Variants in EFCAB6 observed in about 807,000 individuals in gnomAD.
The protein encoded by EFCAB6 is EF-hand calcium-binding domain-containing protein 6.
A neutral mutation model predicts 169.8 loss-of-function variants in EFCAB6; 156 were observed. The ratio of observed to expected loss-of-function variants is 0.92; its 90% CI spans 0.81 to 1.05. The LOEUF is 1.05. Among genes scored for constraint, EFCAB6 ranks in the 50% least tolerant of loss-of-function variants. The pLI, the probability that EFCAB6 is intolerant of heterozygous loss-of-function variation, is 0.00. For synonymous variants in EFCAB6, 698 were observed against 676.4 expected, an observed-to-expected ratio of 1.03 and a Z score of -0.50; for missense variants, 1,800 against 1,829.1, an observed-to-expected ratio of 0.98 and a Z score of 0.29.
intron 26 of EFCAB6, 129 bp from the exon 27 acceptor site, chr22:43,555,225 C>T (rs2048634583): frequency 3.1e-6 from 3 of 955,350 alleles, no homozygotes; most frequent in East Asian, 2.6e-5. Context: ...AAGACAGCTA[C>T]AGCCTGGAGG....
chr22:43,580,734 G>A (rs1055138570), intron 24 of EFCAB6, 75 bp from the exon 25 acceptor site: 3 of 1,488,210 alleles, frequency 2.0e-6, no homozygotes, highest in East Asian at 4.5e-5. Context: ...AACAGTTGCT[G>A]AGCACATTGG....
Position 43,669,056 on chromosome 22 carries a change from A to C in EFCAB6, c.1641-11T>G, listed in dbSNP as rs2057378343. 6.3e-7 allele frequency: 1 copy of C among 1,592,592 alleles called. No individual in the cohort carries two copies. The highest frequency in any genetic ancestry group is 8.5e-7 in the Non-Finnish European group (1 of 1,170,754). ...ATCTTACTGCAGAGTCTGAATTTTAAAAAATAATTAAAACACACTCAGTAG... is the reference window on the plus strand; with the variant it reads ...ATCTTACTGCAGAGTCTGAATTTTACAAAATAATTAAAACACACTCAGTAG... On this transcript the variant is annotated splice_polypyrimidine_tract_variant and intron_variant, in intron 15 of 31. Coordinates refer to ENST00000262726, the MANE Select transcript of EFCAB6 (RefSeq NM_022785.4).
chr22:43,770,652 G>A (rs2061441128), intron 4 of EFCAB6, among the ~76,000 whole-genome samples: 2 of 152,170 alleles, frequency 1.3e-5, no homozygotes, highest in South Asian at 4.1e-4. Flanking sequence ...ATAAGAGTCG[G>A]TGAACTTAAA....
chr22:43,701,480 A>C (rs2058763422), intron 10 of EFCAB6, among the ~76,000 whole-genome samples: 1 of 152,206 alleles, frequency 6.6e-6, no homozygotes, highest in Non-Finnish European at 1.5e-5. Context: ...ACCATTGTAG[A>C]CAGGGCATTG....
In EFCAB6 at chr22:43,687,464, T is replaced by TTA; in HGVS notation, c.1142+6_1142+7insTA. ...TAAAATTTGTTTTTTTTTTTTTTTT[T>TTA]ACATACCTATTTCTTTTTGTCAGGG... is the stretch of plus-strand genomic sequence containing the variant. On this transcript the variant is annotated splice_region_variant and intron_variant, in intron 11 of 31. Coordinates refer to ENST00000262726, the MANE Select transcript of EFCAB6 (RefSeq NM_022785.4). 5 of 1,422,234 alleles carry TTA rather than the reference T, an allele frequency of 3.5e-6. No individual in the cohort carries two copies. Among genetic ancestry groups the TTA allele is most frequent in the Non-Finnish European group, 4.8e-6 (5 of 1,046,342 alleles). The allele number at this position is 1,422,234 out of a possible 1,614,324, so 88.1% of individuals were successfully genotyped here.
At chr22:43,728,075 C>T (rs549343668) in intron 8 of EFCAB6, among the ~76,000 whole-genome samples, 1 of 152,210 alleles carries the variant, frequency 6.6e-6, no homozygotes, top group East Asian at 1.9e-4. Context: ...GCCCCCACCC[C>T]ATGACAGGCC....
chr22:43,682,492 C>T (rs1398788967), intron 12 of EFCAB6, among the ~76,000 whole-genome samples: 1 of 152,174 alleles, frequency 6.6e-6, no homozygotes, highest in Non-Finnish European at 1.5e-5. Context: ...CTTCAGCATA[C>T]TATTAGAACC....
intron 2 of EFCAB6, among the ~76,000 whole-genome samples, chr22:43,799,329 CCACACACACACACA>C (rs112231545): frequency 6.8e-6 from 1 of 146,548 alleles, no homozygotes; most frequent in Admixed American, 6.8e-5. Context: ...GAATCTGTCT[CCACACACACACACA>C]CACACACACA....
chr22:43,738,994 G>A (rs772626918), intron 6 of EFCAB6, among the ~76,000 whole-genome samples: 4 of 152,068 alleles, frequency 2.6e-5, no homozygotes, highest in East Asian at 1.9e-4. Flanking sequence ...GCTCCTGCCC[G>A]TCCTACTCCC....
intron 7 of EFCAB6, among the ~76,000 whole-genome samples, chr22:43,733,685 CAGCCCTGAGA>C (rs931951949): frequency 3.9e-5 from 6 of 152,108 alleles, no homozygotes; most frequent in Non-Finnish European, 4.4e-5. Flanking sequence ...GTCTTCATCC[CAGCCCTGAGA>C]GGTGGGCTGC....
intron 16 of EFCAB6, among the ~76,000 whole-genome samples, chr22:43,667,527 A>T (rs570612908): frequency 1.3e-5 from 2 of 152,290 alleles, no homozygotes; most frequent in East Asian, 3.9e-4. Flanking sequence ...GGGACAGGGG[A>T]ACTTGCAGGG....
intron 22 of EFCAB6, among the ~76,000 whole-genome samples, chr22:43,605,028 A>C (rs1348559766): frequency 6.6e-6 from 1 of 152,148 alleles, no homozygotes; most frequent in East Asian, 1.9e-4. Flanking sequence ...TACCTGGTTA[A>C]ATGAGGCTAC....
intron 3 of EFCAB6, among the ~76,000 whole-genome samples, chr22:43,778,219 CAGAT>C (rs1412715772): frequency 6.6e-6 from 1 of 152,204 alleles, no homozygotes; most frequent in East Asian, 1.9e-4. Flanking sequence ...ATGAGGCTGA[CAGAT>C]GGATGAGATT....
At chr22:43,626,767 C>T in intron 19 of EFCAB6, 88 bp from the exon 20 acceptor site, 1 of 1,271,490 alleles carries the variant, frequency 7.9e-7, no homozygotes, top group South Asian at 1.3e-5. Context: ...GCCTCATCTC[C>T]ACGCGAGGAG....
chr22:43,681,119 G>C (rs779856076), intron 12 of EFCAB6, among the ~76,000 whole-genome samples: 83 of 152,266 alleles, frequency 5.5e-4, no homozygotes, highest in Non-Finnish European at 1.0e-3. Flanking sequence ...CCCTTTATCA[G>C]GTGAAGGTAT....
chr22:43,542,872 C>A (rs975082606), intron 27 of EFCAB6, among the ~76,000 whole-genome samples: 1 of 152,124 alleles, frequency 6.6e-6, no homozygotes, highest in Admixed American at 6.5e-5. Context: ...GTGGGCAAGA[C>A]GCTGCTGGAC....
chr22:43,811,922 C>T (rs528480184), intron 1 of EFCAB6, among the ~76,000 whole-genome samples: 2 of 152,280 alleles, frequency 1.3e-5, no homozygotes, highest in South Asian at 4.1e-4. Flanking sequence ...TCGTTCTTCT[C>T]CACATATCAG....
intron 22 of EFCAB6, among the ~76,000 whole-genome samples, chr22:43,605,295 G>A (rs1602560821): frequency 6.6e-6 from 1 of 152,116 alleles, no homozygotes; most frequent in Admixed American, 6.5e-5. Flanking sequence ...AGATGATAAC[G>A]ATCCTTTTGC....
chr22:43,767,373 T>A (rs999312850), intron 4 of EFCAB6, among the ~76,000 whole-genome samples: 2 of 152,186 alleles, frequency 1.3e-5, no homozygotes, highest in African/African-American at 4.8e-5. Flanking sequence ...CATTTTTAAG[T>A]AGATATAATT....
Sources: gnomAD v4.1 joint callset for allele counts (sites outside exome capture counted in the v4.1 genomes callset) on GRCh38, gnomAD v4.1.1 for gene constraint, MANE v1.5 for transcripts, NCBI Gene and HGNC (gene_info 2026-07-23, HGNC 2026-07-21) for gene names.